Variants in FOCAD observed in about 807,000 individuals in gnomAD.
The protein encoded by FOCAD is KIAA1797.
In FOCAD, 198 loss-of-function variants were observed where a neutral mutation model predicts 225.6. The ratio of observed to expected loss-of-function variants is 0.88; its 90% confidence interval spans 0.78 to 0.99. FOCAD has a LOEUF of 0.99. Ranked by LOEUF, FOCAD falls within the 50% of genes least tolerant of loss-of-function variation. The pLI is 0.00. For synonymous variants in FOCAD, 897 were observed against 755.0 expected (o/e 1.19, Z -3.08); for missense variants, 2,713 against 2,123.6 (o/e 1.28, Z -5.46).
At chr9:20,864,990 C>G (rs2131714763) in intron 16 of FOCAD, among the ~76,000 whole-genome samples, 1 of 152,090 alleles carries the variant, frequency 6.6e-6, no homozygotes, top group East Asian at 1.9e-4. Flanking sequence ...GTAACTTGAC[C>G]AAGACTGTAG....
intron 35 of FOCAD, among the ~76,000 whole-genome samples, chr9:20,969,110 A>G (rs1839533711): frequency 6.6e-6 from 1 of 152,102 alleles, no homozygotes; most frequent in Non-Finnish European, 1.5e-5. Flanking sequence ...CTTGATTTCT[A>G]TTCCATTGTG....
intron 4 of FOCAD, among the ~76,000 whole-genome samples, chr9:20,730,651 G>T (rs1826609551): frequency 6.6e-6 from 1 of 152,116 alleles, no homozygotes; most frequent in Non-Finnish European, 1.5e-5. Flanking sequence ...AGTTAAGATG[G>T]AGGGGAGTGA....
intron 21 of FOCAD, among the ~76,000 whole-genome samples, chr9:20,890,282 C>T (rs1831500104): frequency 6.6e-6 from 1 of 150,880 alleles, no homozygotes; most frequent in South Asian, 2.1e-4. Flanking sequence ...TCAGTGTTTC[C>T]CTGTTTAATA....
intron 35 of FOCAD, among the ~76,000 whole-genome samples, chr9:20,972,026 T>C (rs1839810567): frequency 6.6e-6 from 1 of 152,148 alleles, no homozygotes; most frequent in South Asian, 2.1e-4. Context: ...CTTTTACCAA[T>C]TGGCTGTTGT....
chr9:20,927,341 A>C (rs2891155), intron 26 of FOCAD, among the ~76,000 whole-genome samples: 90,569 of 151,902 alleles, frequency 0.6, 27,837 homozygotes, highest in South Asian at 0.69. Context: ...CTTGCTCCCC[A>C]CTTCTTGTTT....
intron 21 of FOCAD, among the ~76,000 whole-genome samples, chr9:20,903,498 T>C (rs1020683800): frequency 3.9e-5 from 6 of 151,932 alleles, no homozygotes; most frequent in African/African-American, 1.4e-4. Flanking sequence ...GATCATGTAA[T>C]TCTTTTTCTC....
chr9:20,929,273 T>C lies in FOCAD; in HGVS notation c.3079-85T>C, dbSNP rs149549472. 1,044 of 1,007,062 alleles carry C rather than the reference T, an allele frequency of 1.0e-3. 7 individuals are homozygous for C. In the African/African-American group the frequency reaches 0.015, roughly 15 times the overall value. The allele number at this position is 1,007,062 out of a possible 1,614,324, so 62.4% of individuals were successfully genotyped here. On this transcript the variant is annotated intron_variant, in intron 26 of 43. Transcript: ENST00000338382. ...GGCCGGGGTGGATCTAAGAGAAGCTTGTGTGGTTGTATAGTGCTTTTATGA... is the reference window on the plus strand; with the variant it reads ...GGCCGGGGTGGATCTAAGAGAAGCTCGTGTGGTTGTATAGTGCTTTTATGA...
intron 15 of FOCAD, among the ~76,000 whole-genome samples, chr9:20,857,771 TTTTTTTTTTTTGAG>T (rs750608122): frequency 5.4e-4 from 57 of 105,362 alleles, no homozygotes; most frequent in Admixed American, 1.7e-3. Context: ...TATACCCAGT[TTTTTTTTTTTTGAG>T]TTTTTTTTTT....
At chr9:20,954,595 C>G (rs1243844800) in intron 35 of FOCAD, among the ~76,000 whole-genome samples, 1 of 152,116 alleles carries the variant, frequency 6.6e-6, no homozygotes, top group Non-Finnish European at 1.5e-5. Flanking sequence ...TTTTATGATT[C>G]TGTAGTCATC....
At chr9:20,756,312 GA>G (rs1052155356) in intron 5 of FOCAD, among the ~76,000 whole-genome samples, 3 of 152,124 alleles carry the variant, frequency 2.0e-5, no homozygotes, top group Non-Finnish European at 4.4e-5. Context: ...AGAAGAAATA[GA>G]TAGTGTTATA....
intron 28 of FOCAD, among the ~76,000 whole-genome samples, chr9:20,940,010 C>A (rs1186017657): frequency 6.6e-6 from 1 of 150,834 alleles, no homozygotes; most frequent in Non-Finnish European, 1.5e-5. Context: ...TCCAAGTGTT[C>A]TCATTGTTCA....
At chr9:20,714,512 A>G (rs1486299935) in intron 1 of FOCAD, among the ~76,000 whole-genome samples, 1 of 152,064 alleles carries the variant, frequency 6.6e-6, no homozygotes, top group East Asian at 1.9e-4. Flanking sequence ...TCAGTGCTTC[A>G]TGGAAATGGG....
intron 41 of FOCAD, among the ~76,000 whole-genome samples, chr9:20,989,117 T>G (rs971684504): frequency 6.6e-6 from 1 of 152,112 alleles, no homozygotes; most frequent in Non-Finnish European, 1.5e-5. Context: ...AATAGCAGAA[T>G]TTTTTTTCTG....
Position 20,986,307 on chromosome 9 carries a change from C to T in FOCAD, c.4748C>T (p.Ala1583Val). Residue 1583 changes from alanine to valine, a missense_variant, in exon 40 of 44, where the codon GCC becomes GTC. Coordinates refer to ENST00000338382, the MANE Select transcript of FOCAD (RefSeq NM_001375567.1). ...QVTKSNIEKA[A>V]FVKLYLVSQG... is the part of the protein sequence containing the mutation. ...TTGCAGAGCAACATAGAAAAAGCTG[C>T]CTTTGTCAAACTGTACTTAGTCTCT... The T allele has an allele frequency of 9.9e-7, 1 of 1,007,784 alleles. No homozygotes were observed. The highest frequency in any genetic ancestry group is 1.7e-5 in the South Asian group (1 of 58,316). 62.4% of individuals were successfully genotyped at this position (1,007,784 alleles called of 1,614,324 possible).
intron 5 of FOCAD, among the ~76,000 whole-genome samples, chr9:20,744,160 G>A (rs763048173): frequency 2.0e-5 from 3 of 152,184 alleles, no homozygotes; most frequent in South Asian, 2.1e-4. Flanking sequence ...CGGTGGGTGG[G>A]TGGTTGTGGG....
intron 10 of FOCAD, among the ~76,000 whole-genome samples, chr9:20,787,471 A>G (rs979420347): frequency 1.3e-5 from 2 of 152,128 alleles, no homozygotes; most frequent in African/African-American, 4.8e-5. Flanking sequence ...TTTAAATTTT[A>G]TGGTGTTTGT....
Position 20,928,015 on chromosome 9 carries a change from G to C in FOCAD, c.3079-1343G>C, listed in dbSNP as rs373442961. On this transcript the variant is annotated intron_variant, in intron 26 of 43. Coordinates refer to ENST00000338382, the MANE Select transcript of FOCAD (RefSeq NM_001375567.1). Reference sequence around the variant, plus strand: ...TTGGAAGATAAATTTTGCTCAAAAAGTTAATTGCTCTATGATGATTTACTT... The same window carrying C: ...TTGGAAGATAAATTTTGCTCAAAAACTTAATTGCTCTATGATGATTTACTT... The C allele has an allele frequency of 5.9e-5, 9 of 151,566 alleles. No homozygotes were observed. The East Asian group carries it at 9.7e-4, about 16-fold the overall frequency. 9.4% of individuals were successfully genotyped at this position (151,566 alleles called of 1,614,324 possible).
chr9:20,771,032 G>C (rs748393527), intron 8 of FOCAD, among the ~76,000 whole-genome samples: 5 of 152,166 alleles, frequency 3.3e-5, no homozygotes, highest in Non-Finnish European at 7.4e-5. Context: ...TATTTAAAAT[G>C]TAATGGGAGA....
chr9:20,752,517 T>C (rs1828660501), intron 5 of FOCAD, among the ~76,000 whole-genome samples: 1 of 152,212 alleles, frequency 6.6e-6, no homozygotes, highest in Non-Finnish European at 1.5e-5. Context: ...CATTGATCTA[T>C]ATCTCTGTTT....
Sources: gnomAD v4.1 joint callset for allele counts (sites outside exome capture counted in the v4.1 genomes callset) on GRCh38, gnomAD v4.1.1 for gene constraint, MANE v1.5 for transcripts, NCBI Gene and HGNC (gene_info 2026-07-23, HGNC 2026-07-21) for gene names.